The following CYSLTR2 variants were observed in gnomAD, a reference collection of about 807,000 sequenced individuals.
CYSLTR2 encodes the protein G-protein coupled receptor GPCR21.
For synonymous variants in CYSLTR2, 179 were observed against 160.8 expected, an observed-to-expected ratio of 1.11 and a Z score of -0.86; for missense variants, 398 against 411.9, an observed-to-expected ratio of 0.97 and a Z score of 0.29.
At chr13:48,684,440 G>A (rs1248539270) in intron 1 of CYSLTR2, among the ~76,000 whole-genome samples, 4 of 151,522 alleles carry the variant, frequency 2.6e-5, no homozygotes, top group Non-Finnish European at 1.5e-5. Context: ...AGCATCAAGA[G>A]GAGTTTACTT....
chr13:48,698,258 A>G (rs1383074587), intron 4 of CYSLTR2, among the ~76,000 whole-genome samples: 1 of 152,164 alleles, frequency 6.6e-6, no homozygotes, highest in Non-Finnish European at 1.5e-5. Context: ...AAAATGTTAA[A>G]GGCACCCAGA....
chr13:48,691,816 T>C (rs1954047008), intron 2 of CYSLTR2, among the ~76,000 whole-genome samples: 1 of 152,050 alleles, frequency 6.6e-6, no homozygotes, highest in African/African-American at 2.4e-5. Flanking sequence ...TTGAAAGATA[T>C]TTATATTAGC....
intron 4 of CYSLTR2, 27 bp from the exon 5 acceptor site, chr13:48,706,790 T>C (rs561281681): frequency 1.3e-6 from 2 of 1,556,942 alleles, no homozygotes; most frequent in East Asian, 4.5e-5. Context: ...CAAAGTAACT[T>C]TTTGTGTCTG....
intron 1 of CYSLTR2, among the ~76,000 whole-genome samples, chr13:48,662,259 G>A (rs1555254964): frequency 6.6e-6 from 1 of 151,992 alleles, no homozygotes; most frequent in Non-Finnish European, 1.5e-5. Context: ...TTCATCTGTT[G>A]TTGAACACTT....
intron 1 of CYSLTR2, among the ~76,000 whole-genome samples, chr13:48,680,562 G>A (rs184433357): frequency 4.6e-5 from 7 of 152,166 alleles, no homozygotes; most frequent in African/African-American, 1.7e-4. Context: ...TGCAGGAGAT[G>A]AAGTCTTCAT....
At chr13:48,702,266 GGGGGGA>G (rs1566105938) in intron 4 of CYSLTR2, among the ~76,000 whole-genome samples, 1 of 122,872 alleles carries the variant, frequency 8.1e-6, no homozygotes, top group African/African-American at 3.0e-5. Context: ...GTCATGGGGT[GGGGGGA>G]GGGGGAGGGA....
chr13:48,663,890 A>G (rs950284189), intron 1 of CYSLTR2, among the ~76,000 whole-genome samples: 4 of 152,058 alleles, frequency 2.6e-5, no homozygotes, highest in African/African-American at 9.7e-5. Flanking sequence ...GAGAGTAAGC[A>G]TCATTGTCTG....
rs541366727 is a variant in CYSLTR2 at position 48,690,312 on chromosome 13, G to A, written c.-265-900G>A. Among the ~76,000 whole-genome samples the A allele has an allele frequency of 3.3e-5, 5 of 152,164 alleles. No individual in the cohort carries two copies. In the South Asian group the frequency reaches 1.0e-3, roughly 32 times the overall value. On this transcript the variant is annotated intron_variant, in intron 1 of 4. Coordinates refer to ENST00000682523, the MANE Select transcript of CYSLTR2 (RefSeq NM_001308476.3). ...ATGTTGAATAGGAGTGGTGAGAGAG[G>A]GCATCCTTGTCTTATGTGTATTTTC...
chr13:48,688,563 C>T (rs1165377089), intron 1 of CYSLTR2, among the ~76,000 whole-genome samples: 2 of 152,220 alleles, frequency 1.3e-5, no homozygotes, highest in African/African-American at 2.4e-5. Context: ...CAGCTTCATC[C>T]ACATCCCTGC....
At chr13:48,662,538 T>C (rs1953156287) in intron 1 of CYSLTR2, among the ~76,000 whole-genome samples, 1 of 152,222 alleles carries the variant, frequency 6.6e-6, no homozygotes, top group Non-Finnish European at 1.5e-5. Flanking sequence ...TTTTTGATAA[T>C]AGCCATCCTA....
At chr13:48,659,392 G>A (rs2138803862) in intron 1 of CYSLTR2, among the ~76,000 whole-genome samples, 1 of 152,294 alleles carries the variant, frequency 6.6e-6, no homozygotes, top group African/African-American at 2.4e-5. Flanking sequence ...GCTAGGATTT[G>A]GGTTCAGTTG....
At chr13:48,695,925 G>A (rs1166521403) in intron 3 of CYSLTR2, among the ~76,000 whole-genome samples, 3 of 152,194 alleles carry the variant, frequency 2.0e-5, no homozygotes, top group African/African-American at 7.2e-5. Flanking sequence ...TAAATGCCCA[G>A]GAGTATAATT....
At chr13:48,694,167 G>T (rs999607072) in intron 3 of CYSLTR2, among the ~76,000 whole-genome samples, 3 of 149,284 alleles carry the variant, frequency 2.0e-5, no homozygotes, top group Non-Finnish European at 4.4e-5. Flanking sequence ...TACAATGAGG[G>T]CTGAGAAACG....
intron 4 of CYSLTR2, among the ~76,000 whole-genome samples, chr13:48,697,029 A>G (rs938369473): frequency 6.6e-6 from 1 of 152,192 alleles, no homozygotes; most frequent in Non-Finnish European, 1.5e-5. Context: ...AACTGGGTGG[A>G]GCCCACCACA....
At chr13:48,670,677 G>A (rs1953401891) in intron 1 of CYSLTR2, among the ~76,000 whole-genome samples, 1 of 152,150 alleles carries the variant, frequency 6.6e-6, no homozygotes, top group Admixed American at 6.5e-5. Flanking sequence ...TTTGGTTACT[G>A]TAGCCTTGTA....
chr13:48,700,763 G>A (rs112867072), intron 4 of CYSLTR2, among the ~76,000 whole-genome samples: 16 of 152,184 alleles, frequency 1.1e-4, no homozygotes, highest in East Asian at 7.7e-4. Flanking sequence ...AAACCCCATC[G>A]TCTCAGCCCA....
At chr13:48,682,274 C>T (rs1953776674) in intron 1 of CYSLTR2, among the ~76,000 whole-genome samples, 1 of 152,112 alleles carries the variant, frequency 6.6e-6, no homozygotes, top group Non-Finnish European at 1.5e-5. Context: ...TGCATTTAGT[C>T]CTGCTGTCCT....
At chr13:48,659,195 G>A (rs1003537942) in intron 1 of CYSLTR2, among the ~76,000 whole-genome samples, 3 of 152,188 alleles carry the variant, frequency 2.0e-5, no homozygotes, top group Non-Finnish European at 4.4e-5. Context: ...CTCTCCTTTA[G>A]ATTTCAGATA....
chr13:48,701,862 A>G (rs1265106554), intron 4 of CYSLTR2, among the ~76,000 whole-genome samples: 1 of 152,210 alleles, frequency 6.6e-6, no homozygotes, highest in Non-Finnish European at 1.5e-5. Flanking sequence ...CCAATTCCTC[A>G]AGGATCTAGA....
Sources: gnomAD v4.1 joint callset for allele counts (sites outside exome capture counted in the v4.1 genomes callset) on GRCh38, gnomAD v4.1.1 for gene constraint, MANE v1.5 for transcripts, NCBI Gene and HGNC (gene_info 2026-07-23, HGNC 2026-07-21) for gene names.